CACNB2: variants seen among roughly 807,000 people sequenced by gnomAD.
CACNB2 encodes the protein voltage-dependent L-type calcium channel subunit beta-2.
Under a neutral mutation model 73.3 loss-of-function variants are expected in CACNB2, and 42 were observed. The observed-to-expected ratio is 0.57, with a 90% CI of 0.45 to 0.74. The LOEUF is 0.74. CACNB2 is among the 30% of genes least tolerant of loss of function. The probability of loss-of-function intolerance (pLI) is 0.00; values close to 1 mark genes in which losing one functional copy is unlikely to be tolerated. For missense variants in CACNB2, 940 were observed against 853.0 expected (o/e 1.10, Z -1.27); for synonymous variants, 348 against 310.3 (o/e 1.12, Z -1.28).
rs7089457 is a variant in CACNB2, at chr10:18,167,639, C to G, written c.213+16664C>G. Reference sequence around the variant, plus strand: ...TATTCGAGGCCCTGCAACTCAGTACCTGCATGATCGGGGGAAGTTTTATCA... The same window carrying G: ...TATTCGAGGCCCTGCAACTCAGTACGTGCATGATCGGGGGAAGTTTTATCA... On this transcript the variant is annotated intron_variant, in intron 2 of 13. Coordinates refer to ENST00000324631, the MANE Select transcript of CACNB2 (RefSeq NM_201596.3). Among the ~76,000 whole-genome samples the G allele has an allele frequency of 7.2e-3, 1,103 of 152,204 alleles. 7 individuals carry two copies. The highest frequency in any genetic ancestry group is 0.025 in the African/African-American group (1,032 of 41,518).
At chr10:18,347,567 T>TC (rs1229784137) in intron 2 of CACNB2, among the ~76,000 whole-genome samples, 1 of 144,224 alleles carries the variant, frequency 6.9e-6, no homozygotes, top group Non-Finnish European at 1.5e-5. Flanking sequence ...CTTTTTTTTT[T>TC]CCCCCTATAC....
intron 2 of CACNB2, among the ~76,000 whole-genome samples, chr10:18,215,006 G>T (rs112986662): frequency 4.9e-4 from 75 of 152,306 alleles, no homozygotes; most frequent in Middle Eastern, 3.4e-3. Context: ...TAGTTTTTTA[G>T]AAAATTATTG....
chr10:18,299,746 C>A (rs574423457), intron 2 of CACNB2, among the ~76,000 whole-genome samples: 109 of 152,158 alleles, frequency 7.2e-4, no homozygotes, highest in Middle Eastern at 3.4e-3. Context: ...TCTTCACCTG[C>A]AAAATGGAGA....
At chr10:18,270,277 A>G (rs1564392871) in intron 2 of CACNB2, among the ~76,000 whole-genome samples, 1 of 152,128 alleles carries the variant, frequency 6.6e-6, no homozygotes, top group Non-Finnish European at 1.5e-5. Context: ...AACTGCACCC[A>G]TTAACCAGTC....
chr10:18,422,563 C>G (rs2045382377), intron 3 of CACNB2, among the ~76,000 whole-genome samples: 1 of 152,178 alleles, frequency 6.6e-6, no homozygotes, highest in Non-Finnish European at 1.5e-5. Flanking sequence ...CACTCGTCAC[C>G]TCCCACCCCA....
intron 2 of CACNB2, among the ~76,000 whole-genome samples, chr10:18,361,996 AT>A (rs2042162487): frequency 6.6e-6 from 1 of 151,952 alleles, no homozygotes; most frequent in African/African-American, 2.4e-5. Context: ...ATTTTTTTAT[AT>A]TTTTTATATT....
At chr10:18,173,239 G>C (rs1469725250) in intron 2 of CACNB2, among the ~76,000 whole-genome samples, 1 of 152,120 alleles carries the variant, frequency 6.6e-6, no homozygotes, top group Non-Finnish European at 1.5e-5. Flanking sequence ...ATCTTATAAA[G>C]CTATTTTGAG....
At position 18,140,701 on chromosome 10, in the gene CACNB2, G is replaced by A. The variant is rs189082354; in HGVS notation, c.-36G>A. 2.4e-3 allele frequency: 3,803 copies of A among 1,568,188 alleles called. 63 individuals are homozygous for A. The African/African-American group carries it at 0.039, about 16-fold the overall frequency. On this transcript the variant is annotated 5_prime_UTR_variant, in exon 1 of 14. Coordinates refer to ENST00000324631, the MANE Select transcript of CACNB2 (RefSeq NM_201596.3). ...CGAGGAGGAGGGGACCCGCCGCCGGGGGCTGGCTGCTTCGCTCCGAGCCGA... is the reference window on the plus strand; with the variant it reads ...CGAGGAGGAGGGGACCCGCCGCCGGAGGCTGGCTGCTTCGCTCCGAGCCGA...
At chr10:18,533,988 T>TACTC in intron 10 of CACNB2, 88 bp from the exon 11 acceptor site, 1 of 1,249,270 alleles carries the variant, frequency 8.0e-7, no homozygotes, top group Non-Finnish European at 1.2e-6. Context: ...ATGGCTGACC[T>TACTC]ACTCACCTTT....
At chr10:18,369,110 A>T (rs1032095362) in intron 2 of CACNB2, among the ~76,000 whole-genome samples, 1 of 152,174 alleles carries the variant, frequency 6.6e-6, no homozygotes, top group Non-Finnish European at 1.5e-5. Flanking sequence ...CATAAATTTG[A>T]GTGTGTTTAT....
At chr10:18,415,422 C>G (rs2044889738) in intron 3 of CACNB2, among the ~76,000 whole-genome samples, 2 of 150,836 alleles carry the variant, frequency 1.3e-5, no homozygotes, top group South Asian at 2.1e-4. Flanking sequence ...GCTATAACTG[C>G]ACCAATATAC....
intron 2 of CACNB2, among the ~76,000 whole-genome samples, chr10:18,159,538 A>G (rs1241530336): frequency 2.6e-5 from 4 of 152,216 alleles, no homozygotes; most frequent in Non-Finnish European, 5.9e-5. Flanking sequence ...TGAACCAAAT[A>G]TTTAACAGAA....
intron 2 of CACNB2, among the ~76,000 whole-genome samples, chr10:18,160,159 CGTT>C (rs2032353663): frequency 7.0e-6 from 1 of 142,972 alleles, no homozygotes; most frequent in African/African-American, 2.6e-5. Context: ...TAACATGTCT[CGTT>C]GAACATAATT....
intron 3 of CACNB2, among the ~76,000 whole-genome samples, chr10:18,426,123 A>G (rs2045586662): frequency 6.6e-6 from 1 of 152,214 alleles, no homozygotes; most frequent in East Asian, 1.9e-4. Context: ...AAGTCCAACA[A>G]AAAAAGAAAA....
At chr10:18,261,157 G>T in intron 2 of CACNB2, 1 of 1,538,688 alleles carries the variant, frequency 6.5e-7, no homozygotes, top group Non-Finnish European at 8.8e-7. Context: ...ATTTGCTCAT[G>T]CCTCTTACCT....
intron 3 of CACNB2, among the ~76,000 whole-genome samples, chr10:18,485,325 G>A (rs1274981391): frequency 6.6e-6 from 1 of 152,094 alleles, no homozygotes; most frequent in African/African-American, 2.4e-5. Context: ...ATATCAGTAA[G>A]TGCTAAATAA....
chr10:18,297,336 G>A (rs970362985), intron 2 of CACNB2, among the ~76,000 whole-genome samples: 1 of 152,160 alleles, frequency 6.6e-6, no homozygotes, highest in Admixed American at 6.5e-5. Context: ...TTGAGCCCAG[G>A]AGTTTAAGAA....
At chr10:18,404,252 A>C (rs2044164595) in intron 3 of CACNB2, among the ~76,000 whole-genome samples, 1 of 152,184 alleles carries the variant, frequency 6.6e-6, no homozygotes. Context: ...AGATACAAAG[A>C]TGAGCATTGA....
chr10:18,400,564 C>T (rs896799654), intron 2 of CACNB2: 3 of 1,021,442 alleles, frequency 2.9e-6, no homozygotes, highest in Non-Finnish European at 3.5e-6. Context: ...TCCGCCTCCC[C>T]CCTCCCCCTC....
Sources: gnomAD v4.1 joint callset for allele counts (sites outside exome capture counted in the v4.1 genomes callset) on GRCh38, gnomAD v4.1.1 for gene constraint, MANE v1.5 for transcripts, NCBI Gene and HGNC (gene_info 2026-07-23, HGNC 2026-07-21) for gene names.